BLTP1: variants seen among roughly 807,000 people sequenced by gnomAD.
BLTP1 encodes fragile site-associated protein.
the BLTP1 span, among the ~76,000 whole-genome samples, chr4:122,253,541 T>G: frequency 2.0e-5 from 3 of 151,750 alleles, no homozygotes; most frequent in Admixed American, 1.3e-4. Context: ...AACAGCAAAA[T>G]TGTTCAAGCA....
chr4:122,327,378 A>G, the BLTP1 span, among the ~76,000 whole-genome samples: 10 of 151,720 alleles, frequency 6.6e-5, no homozygotes, highest in Non-Finnish European at 1.0e-4. Context: ...GTACACTTCA[A>G]ATGCTATTGT....
the BLTP1 span, chr4:122,306,165 A>T: frequency 2.0e-6 from 2 of 984,796 alleles, no homozygotes; most frequent in Non-Finnish European, 1.4e-6. Flanking sequence ...CTAAATCTGA[A>T]ATGTGTGTAT....
chr4:122,237,558 A>G, the BLTP1 span: 2 of 464,962 alleles, frequency 4.3e-6, no homozygotes, highest in Admixed American at 6.4e-5. Flanking sequence ...GGTTCTTTGT[A>G]CTATTCTTGA....
chr4:122,278,898 G>A, the BLTP1 span, among the ~76,000 whole-genome samples: 6 of 152,280 alleles, frequency 3.9e-5, no homozygotes, highest in Non-Finnish European at 7.4e-5. Flanking sequence ...TCAAAGTGTT[G>A]GGATTACAGG....
chr4:122,193,071 T>C, the BLTP1 span, among the ~76,000 whole-genome samples: 1 of 152,204 alleles, frequency 6.6e-6, no homozygotes, highest in East Asian at 1.9e-4. Flanking sequence ...GGTCTTTCCC[T>C]TGTGTACCTC....
chr4:122,226,622 G>A, the BLTP1 span: 51 of 1,574,796 alleles, frequency 3.2e-5, no homozygotes, highest in Non-Finnish European at 4.2e-5. Flanking sequence ...TTCAAGCTAC[G>A]TTAACATTCT....
chr4:122,242,974 A>G, the BLTP1 span: 1 of 1,356,974 alleles, frequency 7.4e-7, no homozygotes, highest in Non-Finnish European at 1.1e-6. Context: ...TTAAAAATCT[A>G]GACTATAGTA....
chr4:122,345,478 A>G, the BLTP1 span, among the ~76,000 whole-genome samples: 3 of 152,118 alleles, frequency 2.0e-5, no homozygotes, highest in Non-Finnish European at 4.4e-5. Flanking sequence ...AGCACAGGGT[A>G]TAAGTGAACA....
chr4:122,347,661 T>C, the BLTP1 span: 1 of 1,613,840 alleles, frequency 6.2e-7, no homozygotes, highest in Non-Finnish European at 8.5e-7. Flanking sequence ...AGTCACCTAA[T>C]GTGTTCAATG....
chr4:122,348,157 G>T, the BLTP1 span, among the ~76,000 whole-genome samples: 1 of 152,106 alleles, frequency 6.6e-6, no homozygotes, highest in Non-Finnish European at 1.5e-5. Flanking sequence ...AAGTCCATAA[G>T]AACACAAAAG....
At chr4:122,185,443 G>A in the BLTP1 span, 10 of 984,528 alleles carry the variant, frequency 1.0e-5, no homozygotes, top group Non-Finnish European at 1.1e-5. Context: ...TATTTCCTTA[G>A]TAGAAACAAG....
the BLTP1 span, among the ~76,000 whole-genome samples, chr4:122,216,241 A>C: frequency 2.0e-5 from 3 of 151,994 alleles, no homozygotes; most frequent in Non-Finnish European, 4.4e-5. Context: ...TGTGTGTGCA[A>C]GTGTCTTTTT....
chr4:122,279,745 A>G, the BLTP1 span: 6 of 1,599,042 alleles, frequency 3.8e-6, no homozygotes, highest in African/African-American at 1.3e-5. Context: ...TGTTGGCTGT[A>G]TTTTAATAGT....
At chr4:122,191,791 C>T in the BLTP1 span, among the ~76,000 whole-genome samples, 6 of 152,172 alleles carry the variant, frequency 3.9e-5, no homozygotes, top group South Asian at 8.3e-4. Flanking sequence ...CCAAATCCTT[C>T]AGTAACAGAT....
chr4:122,238,833 C>T, the BLTP1 span, among the ~76,000 whole-genome samples: 1 of 152,142 alleles, frequency 6.6e-6, no homozygotes, highest in Non-Finnish European at 1.5e-5. Flanking sequence ...CCTTTTATAG[C>T]CTGCCCTTTG....
chr4:122,236,233 A>AT, the BLTP1 span, among the ~76,000 whole-genome samples: 1 of 152,124 alleles, frequency 6.6e-6, no homozygotes, highest in Non-Finnish European at 1.5e-5. Context: ...TTCCTAAATG[A>AT]TTTTTTTACT....
At chr4:122,246,033 A>T in the BLTP1 span, 2 of 1,154,832 alleles carry the variant, frequency 1.7e-6, no homozygotes, top group Non-Finnish European at 2.3e-6. Context: ...ATATAAAACT[A>T]GAACGCAGCT....
the BLTP1 span, chr4:122,277,123 G>T: frequency 4.6e-5 from 44 of 959,378 alleles, no homozygotes; most frequent in Non-Finnish European, 5.3e-5. Context: ...GATTGCTTGA[G>T]GCCAGGAGTT....
the BLTP1 span, among the ~76,000 whole-genome samples, chr4:122,219,834 G>A: frequency 6.6e-6 from 1 of 152,130 alleles, no homozygotes; most frequent in Non-Finnish European, 1.5e-5. Context: ...CATACATTGA[G>A]TTGTTGGGTT....
Sources: gnomAD v4.1 joint callset for allele counts (sites outside exome capture counted in the v4.1 genomes callset) on GRCh38, gnomAD v4.1.1 for gene constraint, MANE v1.5 for transcripts, NCBI Gene and HGNC (gene_info 2026-07-23, HGNC 2026-07-21) for gene names.